The following ZSCAN32 variants were observed in gnomAD, a reference collection of about 807,000 sequenced individuals.
ZSCAN32 encodes zinc finger and SCAN domain-containing protein 32.
A neutral mutation model predicts 47.4 loss-of-function variants in ZSCAN32; 52 were observed. The ratio of observed to expected loss-of-function variants is 1.10; its 90% confidence interval spans 0.88 to 1.38. The LOEUF is 1.38. ZSCAN32 is among the 40% of genes most tolerant of loss of function. The pLI is 0.00. For missense variants in ZSCAN32, 959 were observed against 846.0 expected (o/e 1.13, Z -1.66); for synonymous variants, 346 against 305.7 (o/e 1.13, Z -1.38).
rs200310954 is a variant in ZSCAN32, at chr16:3,396,027, T to G, written c.366+1165A>C. Among the ~76,000 whole-genome samples the G allele has an allele frequency of 2.0e-5, 3 of 152,144 alleles. No homozygotes were observed. In the East Asian group the frequency reaches 5.8e-4, roughly 29 times the overall value. On this transcript the variant is annotated intron_variant, in intron 2 of 6. Transcript: ENST00000396852. ...TAAATAAATAAAATAAACATAAGTGTGATTCCGACATGGTTAAGGATAAGA... is the reference window on the plus strand; with the variant it reads ...TAAATAAATAAAATAAACATAAGTGGGATTCCGACATGGTTAAGGATAAGA...
chr16:3,391,379 A>T (rs1294890050), intron 3 of ZSCAN32, among the ~76,000 whole-genome samples: 2 of 150,820 alleles, frequency 1.3e-5, no homozygotes, highest in African/African-American at 2.4e-5. Context: ...AACTTTGCTT[A>T]AAAAAAAACT....
At chr16:3,394,993 C>A (rs1412581782) in intron 2 of ZSCAN32, among the ~76,000 whole-genome samples, 4 of 152,228 alleles carry the variant, frequency 2.6e-5, no homozygotes, top group Non-Finnish European at 5.9e-5. Flanking sequence ...AAGCACTCAT[C>A]TGAAACGATC....
intron 6 of ZSCAN32, 106 bp downstream of exon 6, chr16:3,384,353 T>C: frequency 1.4e-6 from 2 of 1,463,790 alleles, no homozygotes; most frequent in Non-Finnish European, 1.9e-6. Flanking sequence ...CACATCAAGA[T>C]GATGATGATG....
intron 6 of ZSCAN32, 133 bp from the exon 7 acceptor site, chr16:3,383,844 T>G: frequency 2.1e-6 from 2 of 972,896 alleles, no homozygotes; most frequent in Non-Finnish European, 2.8e-6. Context: ...TCCTGCTAAT[T>G]AATAGCTTTT....
In ZSCAN32 at chr16:3,384,663, A is replaced by C. The variant is rs763251937; in HGVS notation, c.1030T>G (p.Ser344Ala). 1 of 1,614,212 alleles carries C rather than the reference A, an allele frequency of 6.2e-7. No homozygotes were observed. The highest frequency in any genetic ancestry group is 1.1e-5 in the South Asian group (1 of 91,088). The change falls in exon 6 of 7, where the codon TCT (serine) becomes GCT (alanine). Residue 344 changes from serine (S) to alanine (A), a missense_variant. Transcript: ENST00000396852. Reference protein sequence around the residue: ...EMNALSGSWASAPPMASDAVP... With the variant: ...EMNALSGSWAAAPPMASDAVP... ...GCATCGCTTGCCATAGGAGGTGCAG[A>C]GGCCCAGGAGCCTGAAAGAGCATTC...
At chr16:3,397,879 C>G (rs1214066362) in intron 1 of ZSCAN32, 135 bp from the exon 2 acceptor site, 1 of 225,428 alleles carries the variant, frequency 4.4e-6, no homozygotes, top group African/African-American at 2.3e-5. Context: ...AGAAATAGAT[C>G]TAGACCATCC....
At chr16:3,389,420 T>C (rs1188899368) in intron 5 of ZSCAN32, among the ~76,000 whole-genome samples, 1 of 152,202 alleles carries the variant, frequency 6.6e-6, no homozygotes, top group Non-Finnish European at 1.5e-5. Context: ...TGTCTGTCTC[T>C]GAATCTGCAT....
Position 3,384,722 on chromosome 16 carries a change from C to T in ZSCAN32, c.971G>A (p.Arg324His), listed in dbSNP as rs141990066. 2.0e-5 allele frequency: 33 copies of T among 1,614,074 alleles called. No homozygotes were observed. Among genetic ancestry groups the T allele is most frequent in the Admixed American group, 1.3e-4 (8 of 59,998 alleles). The change falls in exon 6 of 7, where the codon CGT (arginine) becomes CAT (histidine). Residue 324 changes from arginine (R) to histidine (H), a missense_variant. Transcript: ENST00000396852. ...ATAAAAGATACAAGGCTCAGGCACA[C>T]GGCCTCTCCTCACTTTGCGGTAACT... ...QLSYRKVRRG[R>H]VPEPCIFYEE...
chr16:3,397,841 C>CAG, intron 1 of ZSCAN32, 97 bp from the exon 2 acceptor site: 1 of 245,126 alleles, frequency 4.1e-6, no homozygotes, highest in Non-Finnish European at 7.8e-6. Context: ...ACTCCCTCCA[C>CAG]AAATCTACAC....
chr16:3,393,701 C>G lies in ZSCAN32; in HGVS notation c.480G>C (p.Pro160=). Residue 160 remains proline, a synonymous_variant, in exon 3 of 7, where the codon CCG becomes CCC. Transcript: ENST00000396852. ...GTGAGCTCTGTGATCCCTTAAAAGT[C>G]GGTTCCTCTGGCTGAACCTCCTGTT... is the stretch of plus-strand genomic sequence containing the variant. ...QWKQEVQPEE[P]TFKGSQSSHQ... The G allele has an allele frequency of 6.5e-7, 1 of 1,550,208 alleles. No individual in the cohort carries two copies. The highest frequency in any genetic ancestry group is 8.7e-7 in the Non-Finnish European group (1 of 1,146,916).
chr16:3,389,825 G>A (rs1467299946), intron 5 of ZSCAN32, among the ~76,000 whole-genome samples, 185 bp downstream of exon 5: 2 of 152,128 alleles, frequency 1.3e-5, no homozygotes, highest in Non-Finnish European at 2.9e-5. Flanking sequence ...GGTCACACAT[G>A]CTGCCCCTTT....
At chr16:3,389,411 G>C (rs75081822) in intron 5 of ZSCAN32, among the ~76,000 whole-genome samples, 6,596 of 152,318 alleles carry the variant, frequency 0.043, 194 homozygotes, top group Middle Eastern at 0.061. Context: ...GAGCTGCAGT[G>C]TCTGTCTCTG....
Position 3,384,722 on chromosome 16 carries a change from C to G in ZSCAN32, c.971G>C (p.Arg324Pro). The change falls in exon 6 of 7, where the codon CGT (arginine) becomes CCT (proline). Residue 324 changes from arginine (R) to proline (P), a missense_variant. By Grantham distance (103) the Arg-to-Pro change is moderately radical (BLOSUM62 -2). Coordinates refer to ENST00000396852, the MANE Select transcript of ZSCAN32 (RefSeq NM_001284527.2). ...ATAAAAGATACAAGGCTCAGGCACA[C>G]GGCCTCTCCTCACTTTGCGGTAACT... ...QLSYRKVRRG[R>P]VPEPCIFYEE... 1 of 1,614,194 alleles carries G rather than the reference C, an allele frequency of 6.2e-7. No homozygotes were observed. The highest frequency in any genetic ancestry group is 8.5e-7 in the Non-Finnish European group (1 of 1,180,038).
intron 3 of ZSCAN32, among the ~76,000 whole-genome samples, chr16:3,391,849 T>C (rs1379963529): frequency 6.6e-6 from 1 of 152,074 alleles, no homozygotes; most frequent in East Asian, 1.9e-4. Context: ...GAGGACTGCT[T>C]GAACCTAGCA....
In ZSCAN32 at chr16:3,393,233, TA is replaced by T. The variant is rs2033004484; in HGVS notation, c.532+415del. Reference sequence around the variant, plus strand: ...TTATATATATATATATATATAAATTTATATATTTTATATATATATATATTTT... The same window carrying T: ...TTATATATATATATATATATAAATTTTATATTTTATATATATATATATTTT... On this transcript the variant is annotated intron_variant, in intron 3 of 6. Coordinates refer to ENST00000396852, the MANE Select transcript of ZSCAN32 (RefSeq NM_001284527.2). Among the ~76,000 whole-genome samples the T allele has an allele frequency of 8.4e-5, 2 of 23,680 alleles. 1 individual carries two copies. The highest frequency in any genetic ancestry group is 7.9e-4 in the African/African-American group (2 of 2,528). 15.5% of individuals were successfully genotyped at this position (23,680 alleles called of 152,430 possible).
At chr16:3,396,537 C>A (rs1179781500) in intron 2 of ZSCAN32, among the ~76,000 whole-genome samples, 1 of 152,190 alleles carries the variant, frequency 6.6e-6, no homozygotes, top group East Asian at 1.9e-4. Context: ...CCCTCCATTA[C>A]TCTAGGCCTC....
At chr16:3,399,573 T>A in intron 1 of ZSCAN32, among the ~76,000 whole-genome samples, 1 of 152,240 alleles carries the variant, frequency 6.6e-6, no homozygotes, top group Non-Finnish European at 1.5e-5. Flanking sequence ...TAGTTTTATA[T>A]AATTTAAAAT....
At chr16:3,397,831 A>G in intron 1 of ZSCAN32, 87 bp from the exon 2 acceptor site, 1 of 260,528 alleles carries the variant, frequency 3.8e-6, no homozygotes, top group Non-Finnish European at 7.2e-6. Flanking sequence ...CCTTTCCTTT[A>G]CTCCCTCCAC....
intron 5 of ZSCAN32, among the ~76,000 whole-genome samples, chr16:3,386,996 ATTG>A (rs1567308250): frequency 6.6e-6 from 1 of 151,690 alleles, no homozygotes; most frequent in Admixed American, 6.6e-5. Flanking sequence ...ACAACTGGCT[ATTG>A]TTATTTCTAG....
Sources: gnomAD v4.1 joint callset for allele counts (sites outside exome capture counted in the v4.1 genomes callset) on GRCh38, gnomAD v4.1.1 for gene constraint, MANE v1.5 for transcripts, NCBI Gene and HGNC (gene_info 2026-07-23, HGNC 2026-07-21) for gene names.